The following SGCZ variants were observed in gnomAD, a reference collection of about 807,000 sequenced individuals.
The protein encoded by SGCZ is sarcoglycan zeta, also known as zeta-sarcoglycan.
A neutral mutation model predicts 41.3 loss-of-function variants in SGCZ; 40 were observed. The observed-to-expected ratio is 0.97, with a 90% CI of 0.75 to 1.26. The LOEUF is 1.26. Ranked by LOEUF, SGCZ falls within the 50% of genes most tolerant of loss-of-function variation. The pLI, the probability that SGCZ is intolerant of heterozygous loss-of-function variation, is 0.00. For synonymous variants in SGCZ, 206 were observed against 137.5 expected, an observed-to-expected ratio of 1.50 and a Z score of -3.49; for missense variants, 552 against 369.8, an observed-to-expected ratio of 1.49 and a Z score of -4.04.
rs1452010678 is a variant in SGCZ, at chr8:15,194,745, A to G, written c.39+42840T>C. ...GGAGCCAAGGCCGCCTTTGGAAGTT[A>G]GAACAGGTAAGGAAACATTCTCCAT... On this transcript the variant is annotated intron_variant, in intron 1 of 7. Transcript: ENST00000382080. Among the ~76,000 whole-genome samples, 3 of 152,302 alleles carry G rather than the reference A, an allele frequency of 2.0e-5. No homozygotes were observed. The East Asian group carries it at 5.8e-4, about 29-fold the overall frequency.
At chr8:15,080,527 G>A (rs953205538) in intron 1 of SGCZ, among the ~76,000 whole-genome samples, 1 of 152,064 alleles carries the variant, frequency 6.6e-6, no homozygotes, top group African/African-American at 2.4e-5. Flanking sequence ...TTTGGAGATG[G>A]AGCCTTTAAA....
intron 1 of SGCZ, among the ~76,000 whole-genome samples, chr8:14,596,678 G>C (rs996404798): frequency 6.6e-6 from 1 of 152,074 alleles, no homozygotes; most frequent in Non-Finnish European, 1.5e-5. Flanking sequence ...CTCACGGGGT[G>C]GGGGAAGGGG....
At chr8:14,099,278 T>G (rs901671739) in intron 7 of SGCZ, among the ~76,000 whole-genome samples, 18 of 152,308 alleles carry the variant, frequency 1.2e-4, no homozygotes, top group Non-Finnish European at 2.4e-4. Context: ...TTCAATATTG[T>G]CTTATAAACC....
At chr8:14,289,514 T>C (rs768827341) in intron 3 of SGCZ, among the ~76,000 whole-genome samples, 13 of 152,234 alleles carry the variant, frequency 8.5e-5, no homozygotes, top group East Asian at 5.8e-4. Flanking sequence ...AGCTTTATGT[T>C]GAAGAGACTA....
chr8:14,336,228 C>T (rs972309360), intron 2 of SGCZ, among the ~76,000 whole-genome samples: 1 of 152,116 alleles, frequency 6.6e-6, no homozygotes, highest in South Asian at 2.1e-4. Flanking sequence ...CATCCATGTT[C>T]CTGCAAAGGA....
At chr8:14,917,190 G>C (rs1799461934) in intron 1 of SGCZ, among the ~76,000 whole-genome samples, 1 of 151,942 alleles carries the variant, frequency 6.6e-6, no homozygotes, top group Admixed American at 6.6e-5. Context: ...AGCTTTATAG[G>C]GAAAAGGAGG....
chr8:15,023,624 T>G (rs761953476), intron 1 of SGCZ, among the ~76,000 whole-genome samples: 13 of 152,212 alleles, frequency 8.5e-5, no homozygotes, highest in Non-Finnish European at 1.8e-4. Flanking sequence ...AATGTGATAC[T>G]GCTACAACAT....
intron 2 of SGCZ, among the ~76,000 whole-genome samples, chr8:14,335,686 G>C (rs1802482761): frequency 6.6e-6 from 1 of 151,842 alleles, no homozygotes; most frequent in African/African-American, 2.4e-5. Context: ...CTCATCCTTT[G>C]TATAGAAATT....
intron 1 of SGCZ, among the ~76,000 whole-genome samples, chr8:15,008,161 C>T (rs893028261): frequency 6.6e-5 from 10 of 152,126 alleles, no homozygotes; most frequent in African/African-American, 2.4e-4. Context: ...CTTTACATAT[C>T]TCTGCACCTA....
At chr8:14,187,136 G>T (rs1804933234) in intron 4 of SGCZ, among the ~76,000 whole-genome samples, 1 of 152,088 alleles carries the variant, frequency 6.6e-6, no homozygotes, top group Non-Finnish European at 1.5e-5. Context: ...TGTGGGTCAG[G>T]GAAGAGGCAA....
At chr8:14,597,428 T>A (rs1563141823) in intron 1 of SGCZ, among the ~76,000 whole-genome samples, 1 of 152,244 alleles carries the variant, frequency 6.6e-6, no homozygotes, top group Non-Finnish European at 1.5e-5. Flanking sequence ...CAAGTCTCTT[T>A]TCAGGAAAAC....
chr8:14,154,701 T>TGGTAGA lies in SGCZ; in HGVS notation c.547+9873_547+9878dup, dbSNP rs1803824461. 2.0e-5 allele frequency among the ~76,000 whole-genome samples: 3 copies of TGGTAGA among 152,152 alleles called. No homozygotes were observed. In the South Asian group the frequency reaches 6.2e-4, roughly 32 times the overall value. ...GTTCTTTAGCGCTCCTTTTATAAAA[T>TGGTAGA]GGTAGAGGCTGTTTCAGAAAATTTG... On this transcript the variant is annotated intron_variant, in intron 5 of 7. Coordinates refer to ENST00000382080, the MANE Select transcript of SGCZ (RefSeq NM_139167.4).
intron 5 of SGCZ, among the ~76,000 whole-genome samples, chr8:14,113,989 C>A (rs1049569789): frequency 2.0e-5 from 3 of 151,958 alleles, no homozygotes; most frequent in Non-Finnish European, 4.4e-5. Flanking sequence ...TTTCTTGGTT[C>A]TTGCCGCTTG....
rs192342943 is a variant in SGCZ, at chr8:14,287,627, T to G, written c.336+36476A>C. ...ATTATAGTACTAATGAGATAAGAAC[T>G]CTTTGACATGTTTATTTTTATATCT... On this transcript the variant is annotated intron_variant, in intron 3 of 7. Transcript: ENST00000382080. Among the ~76,000 whole-genome samples the G allele has an allele frequency of 1.1e-3, 162 of 152,262 alleles. 1 individual carries two copies. In the East Asian group the frequency reaches 0.021, roughly 20 times the overall value.
At chr8:15,191,266 G>T (rs73527499) in intron 1 of SGCZ, among the ~76,000 whole-genome samples, 33 of 151,860 alleles carry the variant, frequency 2.2e-4, no homozygotes, top group African/African-American at 7.5e-4. Context: ...CTAAATTTTC[G>T]CATGATCTAG....
intron 1 of SGCZ, among the ~76,000 whole-genome samples, chr8:14,830,029 C>A (rs1206871526): frequency 6.6e-6 from 1 of 152,004 alleles, no homozygotes; most frequent in African/African-American, 2.4e-5. Flanking sequence ...AGCCAGGGGT[C>A]TCGATCGCCT....
chr8:15,136,134 A>G (rs1333748691), intron 1 of SGCZ, among the ~76,000 whole-genome samples: 1 of 151,936 alleles, frequency 6.6e-6, no homozygotes, highest in Admixed American at 6.6e-5. Flanking sequence ...CTGGTCCTCA[A>G]TTTGGTCCAG....
At chr8:15,061,326 A>G (rs1465187911) in intron 1 of SGCZ, among the ~76,000 whole-genome samples, 1 of 149,938 alleles carries the variant, frequency 6.7e-6, no homozygotes, top group Non-Finnish European at 1.5e-5. Flanking sequence ...AAGTGGGAGT[A>G]GAACAATGAG....
intron 1 of SGCZ, among the ~76,000 whole-genome samples, chr8:14,818,049 C>G (rs144917232): frequency 2.1e-3 from 322 of 152,288 alleles, no homozygotes; most frequent in Non-Finnish European, 3.7e-3. Context: ...GGACAGAGTG[C>G]CATGAAGCCA....
Sources: gnomAD v4.1 joint callset for allele counts (sites outside exome capture counted in the v4.1 genomes callset) on GRCh38, gnomAD v4.1.1 for gene constraint, MANE v1.5 for transcripts, NCBI Gene and HGNC (gene_info 2026-07-23, HGNC 2026-07-21) for gene names.